The following POLK variants were observed in gnomAD, a reference collection of about 807,000 sequenced individuals.
The protein encoded by POLK is DNA polymerase kappa, also known as polymerase (DNA directed) kappa.
A neutral mutation model predicts 94.0 loss-of-function variants in POLK; 76 were observed. The observed-to-expected ratio is 0.81, with a 90% CI of 0.67 to 0.98. The LOEUF is 0.98. Among genes scored for constraint, POLK ranks in the 50% least tolerant of loss-of-function variants. The pLI is 0.00. For synonymous variants in POLK, 349 were observed against 325.4 expected, an observed-to-expected ratio of 1.07 and a Z score of -0.78; for missense variants, 954 against 1,010.1, an observed-to-expected ratio of 0.94 and a Z score of 0.75.
At chr5:75,599,430 C>T (rs777278358) in exon 15 of POLK, 19 of 152,082 alleles carry the variant, frequency 1.2e-4, no homozygotes, top group Middle Eastern at 3.4e-3. Flanking sequence ...TAATTAAGAA[C>T]TCACAGACTT....
At chr5:75,519,374 A>T (rs1768464949) in intron 1 of POLK, among the ~76,000 whole-genome samples, 1 of 152,168 alleles carries the variant, frequency 6.6e-6, no homozygotes, top group South Asian at 2.1e-4. Context: ...CAGTTGGGTG[A>T]AATATTCTAT....
chr5:75,539,057 C>T (rs1484983005), intron 1 of POLK, among the ~76,000 whole-genome samples: 1 of 152,154 alleles, frequency 6.6e-6, no homozygotes, highest in African/African-American at 2.4e-5. Flanking sequence ...CAGGCATGAG[C>T]CACCGTGCCC....
chr5:75,586,905 T>A, intron 9 of POLK, 121 bp from the exon 10 acceptor site: 1 of 645,720 alleles, frequency 1.5e-6, no homozygotes, highest in Middle Eastern at 3.1e-4. Flanking sequence ...TTTTTCATGA[T>A]GTATAAATTT....
At chr5:75,545,925 T>G (rs1336560973) in intron 1 of POLK, among the ~76,000 whole-genome samples, 2 of 152,210 alleles carry the variant, frequency 1.3e-5, no homozygotes, top group African/African-American at 4.8e-5. Flanking sequence ...TATCTATCTT[T>G]CAGGGCTGTT....
intron 1 of POLK, among the ~76,000 whole-genome samples, chr5:75,546,612 G>GCCCCA (rs1286333257): frequency 2.0e-5 from 3 of 148,160 alleles, no homozygotes; most frequent in Non-Finnish European, 3.0e-5. Context: ...TGGTCCTCCT[G>GCCCCA]CCCCACCCCA....
At chr5:75,540,918 T>G (rs1001123289) in intron 1 of POLK, among the ~76,000 whole-genome samples, 9 of 152,204 alleles carry the variant, frequency 5.9e-5, no homozygotes, top group African/African-American at 1.7e-4. Context: ...TATTTCTGAG[T>G]TAAAGTTTTC....
chr5:75,608,114 T>C, the POLK span, among the ~76,000 whole-genome samples: 1 of 152,232 alleles, frequency 6.6e-6, no homozygotes, highest in African/African-American at 2.4e-5. Context: ...ATGGCTAAAT[T>C]GCATTCCATA....
At chr5:75,589,775 T>G (rs909269505) in intron 10 of POLK, among the ~76,000 whole-genome samples, 1 of 152,214 alleles carries the variant, frequency 6.6e-6, no homozygotes, top group Non-Finnish European at 1.5e-5. Context: ...TGTATTATCC[T>G]CTTTTAAGTT....
At chr5:75,605,334 T>C (rs1773397023), downstream of POLK, among the ~76,000 whole-genome samples, 1 of 152,214 alleles carries the variant, frequency 6.6e-6, no homozygotes, top group Admixed American at 6.5e-5. Flanking sequence ...TCTTGTGCAT[T>C]TTTGTAGACA....
At chr5:75,551,624 T>A (rs2112658544) in intron 2 of POLK, among the ~76,000 whole-genome samples, 1 of 152,264 alleles carries the variant, frequency 6.6e-6, no homozygotes, top group East Asian at 1.9e-4. Flanking sequence ...TCAATATTAT[T>A]AGTCATCAGG....
intron 6 of POLK, among the ~76,000 whole-genome samples, chr5:75,577,578 G>A (rs1581064169): frequency 6.6e-6 from 1 of 152,128 alleles, no homozygotes; most frequent in African/African-American, 2.4e-5. Context: ...TGTCTGAGAT[G>A]TCCTGGACCC....
chr5:75,550,412 C>T (rs1770277043), intron 2 of POLK, among the ~76,000 whole-genome samples: 1 of 152,004 alleles, frequency 6.6e-6, no homozygotes, highest in South Asian at 2.1e-4. Context: ...AACCCCGTCT[C>T]TACTAAAAAT....
intron 1 of POLK, among the ~76,000 whole-genome samples, chr5:75,532,003 C>T (rs1769206450): frequency 6.6e-6 from 1 of 152,170 alleles, no homozygotes; most frequent in African/African-American, 2.4e-5. Context: ...CACATGGCAC[C>T]TGGCTTCCCC....
At chr5:75,517,757 T>G (rs1405377199) in intron 1 of POLK, among the ~76,000 whole-genome samples, 1 of 152,222 alleles carries the variant, frequency 6.6e-6, no homozygotes, top group Non-Finnish European at 1.5e-5. Context: ...CCATTCAGTG[T>G]GATGTTAGCT....
At position 75,581,205 on chromosome 5, in the gene POLK, T is replaced by C. The variant is rs778164633; in HGVS notation, c.695-4T>C. ...GGTGAGTTATTTTCCTGTTTATGAC[T>C]TAGATAATCCAGGAAAGGAAGTTAA... On this transcript the variant is annotated splice_region_variant and splice_polypyrimidine_tract_variant and intron_variant, in intron 6 of 14. Transcript: ENST00000241436. 5.1e-6 allele frequency: 8 copies of C among 1,583,696 alleles called. No individual in the cohort carries two copies. Among genetic ancestry groups the C allele is most frequent in the Non-Finnish European group, 4.3e-6 (5 of 1,153,306 alleles).
intron 12 of POLK, 109 bp from the exon 13 acceptor site, chr5:75,596,113 C>T (rs1370141599): frequency 1.5e-6 from 1 of 651,824 alleles, no homozygotes; most frequent in African/African-American, 1.8e-5. Flanking sequence ...TATAGTTTCT[C>T]TCTAGCCAAC....
At chr5:75,527,500 T>TACAC (rs1485138400) in intron 1 of POLK, among the ~76,000 whole-genome samples, 55 of 116,078 alleles carry the variant, frequency 4.7e-4, no homozygotes, top group African/African-American at 1.8e-3. Flanking sequence ...AAAATTTATA[T>TACAC]ATACACACAC....
At chr5:75,515,654 G>C (rs766327211) in intron 1 of POLK, among the ~76,000 whole-genome samples, 3 of 152,152 alleles carry the variant, frequency 2.0e-5, no homozygotes, top group Non-Finnish European at 4.4e-5. Context: ...TACAGTAGTT[G>C]TATTTTAAGT....
Position 75,593,942 on chromosome 5 carries a change from T to C in POLK, c.1421T>C (p.Val474Ala). The C allele has an allele frequency of 6.2e-7, 1 of 1,609,042 alleles. No homozygotes were observed. The highest frequency in any genetic ancestry group is 8.5e-7 in the Non-Finnish European group (1 of 1,175,728). Residue 474 changes from valine (V) to alanine (A), a missense_variant, in exon 12 of 15, where the codon GTT (valine) becomes GCT (alanine). By Grantham distance (64) the Val-to-Ala change is moderately conservative. Transcript: ENST00000241436. Reference sequence around the variant, plus strand: ...GAAGTAAAAACTCGTGCATCTACAGTTTCATCTGTTGTTTCTACTGCAGAA... The same window carrying C: ...GAAGTAAAAACTCGTGCATCTACAGCTTCATCTGTTGTTTCTACTGCAGAA...
Sources: allele counts gnomAD v4.1 joint callset (sites outside exome capture counted in the v4.1 genomes callset), GRCh38; gene constraint gnomAD v4.1.1; transcripts MANE v1.5; gene names NCBI Gene and HGNC (gene_info 2026-07-23, HGNC 2026-07-21).